The following RASGRP1 variants were observed in gnomAD, a reference collection of about 807,000 sequenced individuals.
RASGRP1 encodes the protein RAS guanyl-releasing protein 1.
RASGRP1 carries 37 observed loss-of-function variants against 95.1 expected under a neutral mutation model. The observed-to-expected ratio is 0.39, with a 90% CI of 0.30 to 0.51. The LOEUF (loss-of-function observed/expected upper bound fraction) is 0.51. Among genes scored for constraint, RASGRP1 ranks in the 20% least tolerant of loss-of-function variants. RASGRP1 has a pLI of 0.80. For missense variants in RASGRP1, 711 were observed against 965.4 expected (o/e 0.74, Z 3.49); for synonymous variants, 325 against 353.4 (o/e 0.92, Z 0.90).
At chr15:38,538,960 T>C (rs1892762405) in intron 2 of RASGRP1, among the ~76,000 whole-genome samples, 1 of 152,216 alleles carries the variant, frequency 6.6e-6, no homozygotes, top group South Asian at 2.1e-4. Flanking sequence ...GAAGTACTAA[T>C]AACCTCTATT....
chr15:38,551,082 TAA>T lies in RASGRP1; in HGVS notation c.220+8737_220+8738del, dbSNP rs1456487707. Among the ~76,000 whole-genome samples the T allele has an allele frequency of 5.8e-4, 89 of 152,344 alleles. 2 individuals are homozygous for T. Among genetic ancestry groups the T allele is most frequent in the Admixed American group, 5.6e-3 (86 of 15,302 alleles). ...GTTAGCTATTACTAAAATAATATTTTAAAAGTCTATGCTAGTGGTTGATCTTA... is the reference window on the plus strand; with the variant it reads ...GTTAGCTATTACTAAAATAATATTTTAAGTCTATGCTAGTGGTTGATCTTA... On this transcript the variant is annotated intron_variant, in intron 2 of 16. Coordinates refer to ENST00000310803, the MANE Select transcript of RASGRP1 (RefSeq NM_005739.4).
At chr15:38,512,983 A>AC (rs749359964) in intron 6 of RASGRP1, 27 bp from the exon 7 acceptor site, 1 of 1,477,528 alleles carries the variant, frequency 6.8e-7, no homozygotes, top group African/African-American at 1.4e-5. Context: ...AACAACAACA[A>AC]AAAAAACCTA....
At chr15:38,508,033 C>T in intron 8 of RASGRP1, 32 bp from the exon 9 acceptor site, 2 of 1,571,058 alleles carry the variant, frequency 1.3e-6, no homozygotes, top group Non-Finnish European at 1.7e-6. Flanking sequence ...TCACAGGTAC[C>T]CGCTAGGCAG....
At chr15:38,535,286 G>T (rs1892601457) in intron 2 of RASGRP1, among the ~76,000 whole-genome samples, 1 of 152,048 alleles carries the variant, frequency 6.6e-6, no homozygotes, top group Admixed American at 6.6e-5. Flanking sequence ...GAATATACTT[G>T]GAAGAGCTCT....
rs563874745 is a variant in RASGRP1 at position 38,519,968 on chromosome 15, C to T, written c.327-597G>A. Reference sequence around the variant, plus strand: ...GATTGTAACGGCAAGTCAGATAAACCGTGTGAATAATCGAAAACAAAACTG... The same window carrying T: ...GATTGTAACGGCAAGTCAGATAAACTGTGTGAATAATCGAAAACAAAACTG... On this transcript the variant is annotated intron_variant, in intron 3 of 16. Coordinates refer to ENST00000310803, the MANE Select transcript of RASGRP1 (RefSeq NM_005739.4). Among the ~76,000 whole-genome samples the T allele has an allele frequency of 2.4e-4, 36 of 152,216 alleles. 1 individual carries two copies. Among genetic ancestry groups the T allele is most frequent in the African/African-American group, 7.9e-4 (33 of 41,542 alleles).
chr15:38,552,195 A>G (rs1200155230), intron 2 of RASGRP1, among the ~76,000 whole-genome samples: 1 of 152,236 alleles, frequency 6.6e-6, no homozygotes, highest in Non-Finnish European at 1.5e-5. Flanking sequence ...ACACTGATAC[A>G]TGATTTCCTT....
At position 38,564,617 on chromosome 15, in the gene RASGRP1, C is replaced by T. The variant is rs80309120; in HGVS notation, c.12G>A (p.Leu4=). 2.8e-3 allele frequency: 3,884 copies of T among 1,371,150 alleles called. 157 individuals are homozygous for T. In the Admixed American group the frequency reaches 0.078, roughly 28 times the overall value. 84.9% of individuals were successfully genotyped at this position (1,371,150 alleles called of 1,614,324 possible). The part of the protein sequence containing the change: MGT[L]GKAREAPRKP... ...ACCGCGGAGCCTCTCTCGCCTTGCC[C>T]AGGGTGCCCATGGCCGCGGCCCGCG... is the stretch of plus-strand genomic sequence containing the variant. Residue 4 remains leucine (L), a synonymous_variant, in exon 1 of 17, where the codon CTG becomes CTA. Coordinates refer to ENST00000310803, the MANE Select transcript of RASGRP1 (RefSeq NM_005739.4).
At chr15:38,554,537 G>C (rs4924273) in intron 2 of RASGRP1, among the ~76,000 whole-genome samples, 60,123 of 152,002 alleles carry the variant, frequency 0.4, 13,749 homozygotes, top group African/African-American at 0.62. Context: ...CCAAGCAGGA[G>C]AGCACAGATA....
At chr15:38,557,399 C>A (rs1018535851) in intron 2 of RASGRP1, among the ~76,000 whole-genome samples, 1 of 152,162 alleles carries the variant, frequency 6.6e-6, no homozygotes, top group Non-Finnish European at 1.5e-5. Context: ...CTCTGCAGTA[C>A]ATAATACACA....
At chr15:38,509,098 TTC>T (rs890640960) in intron 8 of RASGRP1, among the ~76,000 whole-genome samples, 2 of 152,208 alleles carry the variant, frequency 1.3e-5, no homozygotes, top group African/African-American at 4.8e-5. Context: ...TGAACTTCTT[TTC>T]TTTTTCACAA....
intron 6 of RASGRP1, among the ~76,000 whole-genome samples, chr15:38,515,910 A>T (rs866750125): frequency 0.022 from 3,129 of 143,474 alleles, 101 homozygotes; most frequent in African/African-American, 0.074. Context: ...AGAGAGAGAG[A>T]GTGTGTGTGT....
intron 11 of RASGRP1, 36 bp downstream of exon 11, chr15:38,503,236 G>T: frequency 1.3e-6 from 2 of 1,514,566 alleles, no homozygotes; most frequent in Non-Finnish European, 1.8e-6. Context: ...GCCAGGCAAT[G>T]CCTAGTTTTT....
rs1463739361 is a variant in RASGRP1 at position 38,488,266 on chromosome 15, A to G, written c.*2288T>C. 6.6e-6 allele frequency: 1 copy of G among 152,058 alleles called. No homozygotes were observed. Among genetic ancestry groups the G allele is most frequent in the East Asian group, 1.9e-4 (1 of 5,206 alleles). 9.4% of individuals were successfully genotyped at this position (152,058 alleles called of 1,614,324 possible). On this transcript the variant is annotated 3_prime_UTR_variant, in exon 17 of 17. Coordinates refer to ENST00000310803, the MANE Select transcript of RASGRP1 (RefSeq NM_005739.4). ...ACGGTCAGTAAAAAGGTAAGTCAGCAAAGAAAATGAGAAGTGACCCTGCTG... is the reference window on the plus strand; with the variant it reads ...ACGGTCAGTAAAAAGGTAAGTCAGCGAAGAAAATGAGAAGTGACCCTGCTG...
chr15:38,517,908 T>G (rs759337852), intron 5 of RASGRP1, among the ~76,000 whole-genome samples: 7 of 152,198 alleles, frequency 4.6e-5, no homozygotes, highest in Non-Finnish European at 1.0e-4. Flanking sequence ...CCTGAATACA[T>G]TTTTTAGTCC....
At chr15:38,510,055 C>T (rs1484310123) in intron 8 of RASGRP1, among the ~76,000 whole-genome samples, 1 of 152,162 alleles carries the variant, frequency 6.6e-6, no homozygotes, top group Non-Finnish European at 1.5e-5. Context: ...AAGAGTGTAA[C>T]AGCAAAAATG....
chr15:38,493,480 CTGTTTTTA>C (rs960729413), intron 16 of RASGRP1, among the ~76,000 whole-genome samples: 1 of 152,074 alleles, frequency 6.6e-6, no homozygotes, highest in Non-Finnish European at 1.5e-5. Flanking sequence ...CCCTATTTTC[CTGTTTTTA>C]ATGTCATTAT....
At chr15:38,561,226 T>C (rs1893796811) in intron 1 of RASGRP1, among the ~76,000 whole-genome samples, 1 of 152,208 alleles carries the variant, frequency 6.6e-6, no homozygotes, top group Admixed American at 6.5e-5. Flanking sequence ...AGTAAGGCAT[T>C]GTGATTGGCC....
rs1038596340 is a variant in RASGRP1 at position 38,560,559 on chromosome 15, G to A, written c.36-554C>T. ...AAGGTCAGGCAGCCTCAGAATCATCGTTAAGGACCTTGGGGGAGAAGTCAA... is the reference window on the plus strand; with the variant it reads ...AAGGTCAGGCAGCCTCAGAATCATCATTAAGGACCTTGGGGGAGAAGTCAA... On this transcript the variant is annotated intron_variant, in intron 1 of 16. Transcript: ENST00000310803. Among the ~76,000 whole-genome samples, 12 of 152,268 alleles carry A rather than the reference G, an allele frequency of 7.9e-5. No homozygotes were observed. In the East Asian group the frequency reaches 1.7e-3, roughly 22 times the overall value.
At chr15:38,553,274 G>A (rs1893410143) in intron 2 of RASGRP1, among the ~76,000 whole-genome samples, 1 of 152,240 alleles carries the variant, frequency 6.6e-6, no homozygotes, top group Non-Finnish European at 1.5e-5. Flanking sequence ...ACATCAGCAG[G>A]TGGGCTGCGG....
Sources: allele counts gnomAD v4.1 joint callset (sites outside exome capture counted in the v4.1 genomes callset), GRCh38; gene constraint gnomAD v4.1.1; transcripts MANE v1.5; gene names NCBI Gene and HGNC (gene_info 2026-07-23, HGNC 2026-07-21).